The following FGF7 variants were observed in gnomAD, a reference collection of about 807,000 sequenced individuals.
FGF7 encodes the protein FGF-7.
FGF7 carries 6 observed loss-of-function variants against 20.5 expected under a neutral mutation model. The observed-to-expected ratio is 0.29, with a 90% CI of 0.16 to 0.58. The LOEUF (loss-of-function observed/expected upper bound fraction) is 0.58. Ranked by LOEUF, FGF7 falls within the 20% of genes least tolerant of loss-of-function variation. The pLI, the probability that FGF7 is intolerant of heterozygous loss-of-function variation, is 0.90. For synonymous variants in FGF7, 64 were observed against 74.7 expected (o/e 0.86, Z 0.74); for missense variants, 144 against 228.8 (o/e 0.63, Z 2.39).
At chr15:49,459,320 C>T (rs2053584100) in intron 2 of FGF7, among the ~76,000 whole-genome samples, 1 of 152,126 alleles carries the variant, frequency 6.6e-6, no homozygotes, top group Admixed American at 6.5e-5. Flanking sequence ...AGCAGCACAC[C>T]ATGTGATGCC....
In FGF7 at chr15:49,487,993, A is replaced by G. The variant is rs1388204139; in HGVS notation, c.*3489A>G. ...TTACACATAAATAACACAAGGCTAA[A>G]GAAAACCAGAACTCAAATTCACCAC... On this transcript the variant is annotated 3_prime_UTR_variant, in exon 4 of 4. Coordinates refer to ENST00000267843, the MANE Select transcript of FGF7 (RefSeq NM_002009.4). 2 of 151,986 alleles carry G rather than the reference A, an allele frequency of 1.3e-5. No individual in the cohort carries two copies. Among genetic ancestry groups the G allele is most frequent in the Non-Finnish European group, 1.5e-5 (1 of 67,920 alleles). The allele number at this position is 151,986 out of a possible 1,614,324, so 9.4% of individuals were successfully genotyped here.
chr15:49,426,723 GA>G (rs1567253833), intron 2 of FGF7, among the ~76,000 whole-genome samples: 6 of 148,832 alleles, frequency 4.0e-5, no homozygotes, highest in South Asian at 4.2e-4. Flanking sequence ...TAGCACAAAA[GA>G]AAAAAAAAGG....
chr15:49,458,214 C>A (rs368016765), intron 2 of FGF7, among the ~76,000 whole-genome samples: 12 of 151,794 alleles, frequency 7.9e-5, no homozygotes, highest in Admixed American at 7.2e-4. Context: ...TCCTCAAGTA[C>A]CAATGACAAT....
At chr15:49,476,696 T>C (rs2055353566) in intron 2 of FGF7, among the ~76,000 whole-genome samples, 1 of 152,208 alleles carries the variant, frequency 6.6e-6, no homozygotes, top group Non-Finnish European at 1.5e-5. Flanking sequence ...GATATTATAT[T>C]ATTAAAGTCA....
chr15:49,431,969 T>C (rs1249856796), intron 2 of FGF7, among the ~76,000 whole-genome samples: 1 of 151,708 alleles, frequency 6.6e-6, no homozygotes, highest in Non-Finnish European at 1.5e-5. Context: ...TGATAATAAA[T>C]TATTACAGGT....
At chr15:49,482,655 T>A (rs1254046382) in intron 2 of FGF7, among the ~76,000 whole-genome samples, 2 of 152,080 alleles carry the variant, frequency 1.3e-5, no homozygotes, top group Non-Finnish European at 2.9e-5. Flanking sequence ...AAATTCCAGT[T>A]CTGCTACTTA....
At chr15:49,438,846 T>A (rs373650863) in intron 2 of FGF7, among the ~76,000 whole-genome samples, 2 of 119,122 alleles carry the variant, frequency 1.7e-5, no homozygotes, top group African/African-American at 3.0e-5. Context: ...AGAGAGAGAG[T>A]GGGTGGTAAG....
At chr15:49,457,462 G>A (rs1346133218) in intron 2 of FGF7, among the ~76,000 whole-genome samples, 1 of 151,814 alleles carries the variant, frequency 6.6e-6, no homozygotes, top group African/African-American at 2.4e-5. Flanking sequence ...AAAATCAAGA[G>A]GACTGAACTT....
At chr15:49,450,019 A>G (rs2052579431) in intron 2 of FGF7, among the ~76,000 whole-genome samples, 1 of 152,122 alleles carries the variant, frequency 6.6e-6, no homozygotes, top group African/African-American at 2.4e-5. Context: ...ATGTGGTTGC[A>G]TGAGCCCGTA....
intron 2 of FGF7, among the ~76,000 whole-genome samples, chr15:49,477,785 T>A (rs1211731665): frequency 1.3e-5 from 2 of 152,228 alleles, no homozygotes; most frequent in Non-Finnish European, 2.9e-5. Context: ...CCATTTTGCA[T>A]TCCCACTAGT....
At chr15:49,479,573 G>C (rs2055695285) in intron 2 of FGF7, among the ~76,000 whole-genome samples, 1 of 147,466 alleles carries the variant, frequency 6.8e-6, no homozygotes, top group Non-Finnish European at 1.5e-5. Flanking sequence ...TGATTTGGAG[G>C]GTAGGATTTC....
chr15:49,448,520 A>G (rs1169411206), intron 2 of FGF7, among the ~76,000 whole-genome samples: 1 of 151,680 alleles, frequency 6.6e-6, no homozygotes, highest in African/African-American at 2.4e-5. Flanking sequence ...AACTCCTAAC[A>G]TAAGTTAATC....
In FGF7 at chr15:49,424,286, C is replaced by T. The variant is rs1567248985; in HGVS notation, c.-12C>T. ...TTATGTTATTCATGAACACCCGGAG[C>T]ACTACACTATAATGCACAAATGGAT... On this transcript the variant is annotated 5_prime_UTR_variant, in exon 2 of 4. Transcript: ENST00000267843. 5 of 1,606,686 alleles carry T rather than the reference C, an allele frequency of 3.1e-6. No individual in the cohort carries two copies. The highest frequency in any genetic ancestry group is 4.3e-6 in the Non-Finnish European group (5 of 1,174,508).
At position 49,464,128 on chromosome 15, in the gene FGF7, T is replaced by C. The variant is rs552049423; in HGVS notation, c.287-19023T>C. Among the ~76,000 whole-genome samples, 7 of 152,234 alleles carry C rather than the reference T, an allele frequency of 4.6e-5. No homozygotes were observed. In the South Asian group the frequency reaches 1.2e-3, roughly 27 times the overall value. On this transcript the variant is annotated intron_variant, in intron 2 of 3. Coordinates refer to ENST00000267843, the MANE Select transcript of FGF7 (RefSeq NM_002009.4). ...CTACTGTGATAAGCCTCATGAAGGATGGGTTAGGCAGGGGATGGATTTTCT... is the reference window on the plus strand; with the variant it reads ...CTACTGTGATAAGCCTCATGAAGGACGGGTTAGGCAGGGGATGGATTTTCT...
intron 2 of FGF7, among the ~76,000 whole-genome samples, chr15:49,438,852 G>C (rs983365103): frequency 2.6e-5 from 4 of 151,360 alleles, no homozygotes; most frequent in Non-Finnish European, 1.5e-5. Flanking sequence ...AGAGTGGGTG[G>C]TAAGGTGAGA....
chr15:49,462,870 TAA>T (rs149919256), intron 2 of FGF7, among the ~76,000 whole-genome samples: 3,985 of 152,288 alleles, frequency 0.026, 186 homozygotes, highest in African/African-American at 0.092. Context: ...ACATTCAAAA[TAA>T]ATAAATACAT....
chr15:49,477,181 C>T (rs1567353880), intron 2 of FGF7, among the ~76,000 whole-genome samples: 1 of 151,962 alleles, frequency 6.6e-6, no homozygotes, highest in Admixed American at 6.6e-5. Flanking sequence ...ACAGATGAGC[C>T]AATATTTATT....
Position 49,483,208 on chromosome 15 carries a change from G to C in FGF7, c.344G>C (p.Ser115Thr). The C allele has an allele frequency of 1.3e-6, 2 of 1,591,990 alleles. No individual in the cohort carries two copies. ...VGIVAIKGVESEFYLAMNKEG... is the reference protein window; with the variant it reads ...VGIVAIKGVETEFYLAMNKEG... The stretch of plus-strand genomic sequence containing the variant: ...ATTGTGGCAATCAAAGGGGTGGAAA[G>C]TGAATTCTATCTTGCAATGAACAAG... The change falls in exon 3 of 4, where the codon AGT becomes ACT. Residue 115 changes from serine to threonine, a missense_variant. Ser to Thr is a moderately conservative substitution (Grantham distance 58). Around this residue, in one of 2 missense-constraint regions of FGF7, gnomAD observed 56 missense variants for 125.4 expected, o/e 0.45. Transcript: ENST00000267843.
intron 2 of FGF7, among the ~76,000 whole-genome samples, chr15:49,446,117 T>C (rs112326311): frequency 0.017 from 2,553 of 151,656 alleles, 36 homozygotes; most frequent in South Asian, 0.063. Context: ...GATGAAGTAA[T>C]TAGTGTATTA....
Sources: allele counts gnomAD v4.1 joint callset (sites outside exome capture counted in the v4.1 genomes callset), GRCh38; gene constraint gnomAD v4.1.1; regional missense constraint gnomAD v4.1.1; transcripts MANE v1.5; gene names NCBI Gene and HGNC (gene_info 2026-07-23, HGNC 2026-07-21).